Variants in DMD observed in about 807,000 individuals in gnomAD.
DMD encodes mutant dystrophin.
In DMD, 63 loss-of-function variants were observed where a neutral mutation model predicts 330.1. The observed-to-expected ratio is 0.19, with a 90% CI of 0.16 to 0.24. DMD has a LOEUF of 0.24. Among genes scored for constraint, DMD ranks in the 10% least tolerant of loss-of-function variants. The pLI is 1.00. For synonymous variants in DMD, 1,223 were observed against 959.8 expected, an observed-to-expected ratio of 1.27 and a Z score of -5.07; for missense variants, 3,344 against 2,684.1, an observed-to-expected ratio of 1.25 and a Z score of -5.43.
chrX:31,162,775 T>G (rs2038994682), intron 74 of DMD, among the ~76,000 whole-genome samples: 1 of 111,852 alleles, frequency 8.9e-6, no homozygotes, highest in South Asian at 3.8e-4. Flanking sequence ...AAATAAACTT[T>G]CATTCTGGGT....
intron 22 of DMD, among the ~76,000 whole-genome samples, chrX:32,471,097 T>C (rs1158842729): frequency 9.1e-6 from 1 of 110,410 alleles, no homozygotes; most frequent in Non-Finnish European, 1.9e-5. Context: ...GCCAAGATGG[T>C]GAAACCCCAT....
chrX:32,606,722 CATAT>C (rs59502866), intron 12 of DMD, among the ~76,000 whole-genome samples: 51 of 85,903 alleles, frequency 5.9e-4, no homozygotes, highest in African/African-American at 1.4e-3. Flanking sequence ...TGTATATACG[CATAT>C]ATATATATAT....
intron 45 of DMD, among the ~76,000 whole-genome samples, chrX:31,966,028 T>C (rs1447372961): frequency 1.8e-5 from 2 of 111,782 alleles, no homozygotes; most frequent in Non-Finnish European, 3.8e-5. Context: ...ACACTTTCTT[T>C]CATTGATGTC....
At chrX:32,191,452 G>A (rs1384189879) in intron 44 of DMD, among the ~76,000 whole-genome samples, 1 of 111,820 alleles carries the variant, frequency 8.9e-6, no homozygotes, top group Non-Finnish European at 1.9e-5. Flanking sequence ...TTACATGAAG[G>A]AACAGCGAGA....
upstream of DMD, among the ~76,000 whole-genome samples, chrX:33,213,231 T>A (rs1343647310): frequency 9.0e-6 from 1 of 111,656 alleles, no homozygotes; most frequent in Non-Finnish European, 1.9e-5. Context: ...GTAACAAAGA[T>A]GTGTCCTGGG....
rs767171542 is a variant in DMD, at chrX:32,302,947, A to T, written c.6117+7135T>A. Among the ~76,000 whole-genome samples the T allele has an allele frequency of 2.1e-4, 23 of 111,153 alleles. No individual in the cohort carries two copies. The East Asian group carries it at 6.2e-3, about 30-fold the overall frequency. On this transcript the variant is annotated intron_variant, in intron 42 of 78. Transcript: ENST00000357033. The stretch of plus-strand genomic sequence containing the variant: ...CAGGTTAAATCTTTCTAAGCTTTTC[A>T]GGTTCCAATACAGTACTTTGCTAAA...
At chrX:31,400,173 TG>T (rs1285358365) in intron 60 of DMD, among the ~76,000 whole-genome samples, 1 of 111,523 alleles carries the variant, frequency 9.0e-6, no homozygotes, top group Non-Finnish European at 1.9e-5. Flanking sequence ...AAAGTCAAGC[TG>T]GGAACTGCTT....
chrX:32,456,089 G>A (rs1191254771), intron 25 of DMD, among the ~76,000 whole-genome samples: 1 of 47,026 alleles, frequency 2.1e-5, no homozygotes, highest in African/African-American at 6.2e-5. Flanking sequence ...AAGTAACAGA[G>A]TTTTCATAGT....
chrX:32,883,715 T>G (rs2149216455), intron 2 of DMD, among the ~76,000 whole-genome samples: 1 of 103,638 alleles, frequency 9.6e-6, no homozygotes, highest in East Asian at 3.1e-4. Flanking sequence ...TCCCAGCTAC[T>G]TGGGAGGCTG....
chrX:32,966,736 C>G (rs757481876), intron 2 of DMD, among the ~76,000 whole-genome samples: 8 of 111,728 alleles, frequency 7.2e-5, no homozygotes, highest in Non-Finnish European at 1.3e-4. Context: ...AAACCTCTGT[C>G]TAGATTATCA....
chrX:32,557,045 C>A (rs1419357795), intron 16 of DMD, among the ~76,000 whole-genome samples: 1 of 111,888 alleles, frequency 8.9e-6, no homozygotes, highest in Non-Finnish European at 1.9e-5. Context: ...TCTAGAAAAA[C>A]TCCCTTGCTA....
chrX:32,456,759 G>A (rs2098361072), intron 25 of DMD, among the ~76,000 whole-genome samples: 1 of 108,480 alleles, frequency 9.2e-6, no homozygotes, highest in African/African-American at 3.4e-5. Context: ...AAATCTCGTG[G>A]GATTTGGCTT....
chrX:31,849,031 G>A (rs754085286), intron 48 of DMD, among the ~76,000 whole-genome samples: 1 of 110,479 alleles, frequency 9.1e-6, no homozygotes, highest in Non-Finnish European at 1.9e-5. Context: ...GAAATTTGGT[G>A]TTCTTAGAAA....
chrX:32,464,305 T>C (rs1305593662), intron 24 of DMD, among the ~76,000 whole-genome samples: 1 of 111,195 alleles, frequency 9.0e-6, no homozygotes, highest in Non-Finnish European at 1.9e-5. Context: ...TTCTCAACAT[T>C]GGCACTAGTG....
chrX:32,209,193 A>G (rs1820569882), intron 44 of DMD, among the ~76,000 whole-genome samples: 1 of 111,742 alleles, frequency 8.9e-6, no homozygotes, highest in African/African-American at 3.3e-5. Flanking sequence ...AGTTATGAAG[A>G]AAGTTAAGCA....
intron 26 of DMD, among the ~76,000 whole-genome samples, chrX:32,453,226 G>A (rs778925011): frequency 7.6e-4 from 84 of 110,763 alleles, no homozygotes; most frequent in Non-Finnish European, 1.3e-3. Flanking sequence ...CCAAGGCAGT[G>A]GTCTTGCTCA....
rs752949623 is a variant in DMD at position 31,968,499 on chromosome X, T to A, written c.6454A>T (p.Ile2152Phe). 4.1e-5 allele frequency: 49 copies of A among 1,208,891 alleles called. No individual in the cohort carries two copies. Among genetic ancestry groups the A allele is most frequent in the Non-Finnish European group, 5.1e-5 (46 of 894,462 alleles). Residue 2152 changes from isoleucine to phenylalanine, a missense_variant, in exon 45 of 79, where the codon ATT becomes TTT. Transcript: ENST00000357033. Reference protein sequence around the residue: ...KWYLKELQDGIGQRQTVVRTL... With the variant: ...KWYLKELQDGFGQRQTVVRTL... ...CTGACAACAGTTTGCCGCTGCCCAA[T>A]GCCATCCTGGAGTTCCTGTAAGATA...
At chrX:32,427,569 A>T (rs2148080494) in intron 29 of DMD, among the ~76,000 whole-genome samples, 1 of 109,994 alleles carries the variant, frequency 9.1e-6, no homozygotes, top group East Asian at 2.9e-4. Context: ...TTAATTTATG[A>T]CTGAAATTGG....
At chrX:32,372,974 G>A (rs1184311115) in intron 34 of DMD, among the ~76,000 whole-genome samples, 1 of 110,203 alleles carries the variant, frequency 9.1e-6, no homozygotes, top group Non-Finnish European at 1.9e-5. Flanking sequence ...ACCTGCAGCT[G>A]TCCCTTCAGT....
Sources: allele counts gnomAD v4.1 joint callset (sites outside exome capture counted in the v4.1 genomes callset), GRCh38; gene constraint gnomAD v4.1.1; transcripts MANE v1.5; gene names NCBI Gene and HGNC (gene_info 2026-07-23, HGNC 2026-07-21).